Variants in CUBN observed in about 807,000 individuals in gnomAD.
CUBN encodes cubilin, also known as 460 kDa receptor.
CUBN carries 282 observed loss-of-function variants against 405.3 expected under a neutral mutation model. The ratio of observed to expected loss-of-function variants is 0.70; its 90% CI spans 0.63 to 0.77. The LOEUF (loss-of-function observed/expected upper bound fraction) is 0.77. Among genes scored for constraint, CUBN ranks in the 30% least tolerant of loss-of-function variants. The pLI, the probability that CUBN is intolerant of heterozygous loss-of-function variation, is 0.00. For synonymous variants in CUBN, 1,684 were observed against 1,617.0 expected, an observed-to-expected ratio of 1.04 and a Z score of -0.99; for missense variants, 4,514 against 4,475.2, an observed-to-expected ratio of 1.01 and a Z score of -0.25.
chr10:16,891,164 G>A lies in CUBN; in HGVS notation c.8599-637C>T, dbSNP rs545209675. On this transcript the variant is annotated intron_variant, in intron 54 of 66. Coordinates refer to ENST00000377833, the MANE Select transcript of CUBN (RefSeq NM_001081.4). The stretch of plus-strand genomic sequence containing the variant: ...GTCACTTAATTGGTCTGGCCACCTC[G>A]AATGACTGAATTTATATACTCATGC... Among the ~76,000 whole-genome samples the A allele has an allele frequency of 2.2e-4, 33 of 152,248 alleles. No individual in the cohort carries two copies. The South Asian group carries it at 6.8e-3, about 32-fold the overall frequency.
chr10:16,984,751 A>G (rs185737088), intron 29 of CUBN, among the ~76,000 whole-genome samples: 1 of 152,344 alleles, frequency 6.6e-6, no homozygotes, highest in East Asian at 1.9e-4. Context: ...ATGAAAGTTG[A>G]GTTCACTGAA....
intron 28 of CUBN, among the ~76,000 whole-genome samples, chr10:17,017,180 C>A (rs778309416): frequency 3.4e-4 from 52 of 152,110 alleles, no homozygotes; most frequent in Non-Finnish European, 6.5e-4. Flanking sequence ...TCCCTCTGCC[C>A]AAGAACCCGC....
At position 17,034,967 on chromosome 10, in the gene CUBN, CAA is replaced by C. The variant is rs370907696; in HGVS notation, c.4017+6064_4017+6065del. On this transcript the variant is annotated intron_variant, in intron 27 of 66. Transcript: ENST00000377833. ...GTTGTTAATATGGAAGTCACCAAGA[CAA>C]TAGGAGACAGTGATCACCTTGCCTT... 1.6e-4 allele frequency among the ~76,000 whole-genome samples: 24 copies of C among 151,662 alleles called. No homozygotes were observed. In the East Asian group the frequency reaches 3.7e-3, roughly 23 times the overall value.
intron 27 of CUBN, among the ~76,000 whole-genome samples, chr10:17,026,404 G>A (rs554643752): frequency 3.2e-4 from 48 of 152,208 alleles, no homozygotes; most frequent in East Asian, 7.7e-4. Flanking sequence ...AAGCCGAAGC[G>A]GGTGATCACT....
At chr10:17,037,033 AT>A (rs1342652049) in intron 27 of CUBN, among the ~76,000 whole-genome samples, 1 of 152,218 alleles carries the variant, frequency 6.6e-6, no homozygotes, top group Non-Finnish European at 1.5e-5. Flanking sequence ...CACCTAACGA[AT>A]GGGGATAATA....
intron 58 of CUBN, among the ~76,000 whole-genome samples, chr10:16,873,878 G>A (rs1366226688): frequency 1.3e-5 from 2 of 152,154 alleles, no homozygotes; most frequent in East Asian, 3.8e-4. Context: ...TGATCCTTCT[G>A]AGCCTCAGTT....
intron 63 of CUBN, among the ~76,000 whole-genome samples, chr10:16,835,478 G>A (rs1839140756): frequency 6.6e-6 from 1 of 152,126 alleles, no homozygotes; most frequent in Admixed American, 6.5e-5. Context: ...AGCATCCTTT[G>A]AACTTTTCTG....
intron 37 of CUBN, among the ~76,000 whole-genome samples, chr10:16,939,779 T>A (rs1842605421): frequency 6.6e-6 from 1 of 152,192 alleles, no homozygotes; most frequent in Non-Finnish European, 1.5e-5. Flanking sequence ...TGAAAAAAAC[T>A]AATTTAACAT....
chr10:17,016,815 G>A (rs533971039), intron 28 of CUBN, among the ~76,000 whole-genome samples: 2 of 152,266 alleles, frequency 1.3e-5, no homozygotes, highest in South Asian at 4.1e-4. Context: ...AAGCTGAAAG[G>A]TCCTCCTGTG....
intron 14 of CUBN, among the ~76,000 whole-genome samples, chr10:17,095,145 TACA>T (rs960802509): frequency 2.0e-5 from 3 of 151,894 alleles, no homozygotes; most frequent in Non-Finnish European, 4.4e-5. Context: ...GGCAAGAACA[TACA>T]ACATGTAAAG....
rs758445280 is a variant in CUBN at position 16,982,480 on chromosome 10, TTACCATAA to T, written c.4691_4695+3del. ...AGACAATGCTTGAAATTTATGTCAC[TTACCATAA>T]TACAAGAGTCTTGTGGTTCAAGATC... On this transcript the variant is annotated splice_donor_variant and splice_donor_region_variant and coding_sequence_variant and intron_variant, in exon 31 of 67. Coordinates refer to ENST00000377833, the MANE Select transcript of CUBN (RefSeq NM_001081.4). LOFTEE classifies it high-confidence loss of function. The T allele has an allele frequency of 6.2e-6, 10 of 1,611,624 alleles. No individual in the cohort carries two copies. Among genetic ancestry groups the T allele is most frequent in the Non-Finnish European group, 7.6e-6 (9 of 1,177,966 alleles).
chr10:16,995,799 G>T (rs1833716814), intron 28 of CUBN, among the ~76,000 whole-genome samples: 1 of 152,128 alleles, frequency 6.6e-6, no homozygotes, highest in Non-Finnish European at 1.5e-5. Context: ...TATTTTTATG[G>T]TAGTTCAGTT....
At chr10:16,938,510 A>C (rs1842576673) in intron 38 of CUBN, among the ~76,000 whole-genome samples, 1 of 152,342 alleles carries the variant, frequency 6.6e-6, no homozygotes, top group South Asian at 2.1e-4. Context: ...AAGATGAATA[A>C]GGTGGGGTCA....
At chr10:16,886,269 T>C (rs1411656347) in intron 56 of CUBN, among the ~76,000 whole-genome samples, 1 of 152,226 alleles carries the variant, frequency 6.6e-6, no homozygotes, top group Non-Finnish European at 1.5e-5. Flanking sequence ...TGAGACAAGC[T>C]TTGTTAAATT....
In CUBN at chr10:17,085,626, C is replaced by T; in HGVS notation, c.2081G>A (p.Gly694Asp). 6.2e-7 allele frequency: 1 copy of T among 1,614,102 alleles called. No individual in the cohort carries two copies. The change falls in exon 16 of 67, where the codon GGC (glycine) becomes GAC (aspartate). Residue 694 changes from glycine (G) to aspartate (D), a missense_variant. Gly to Asp is a moderately conservative substitution (Grantham distance 94). Transcript: ENST00000377833. ...FHSDSQISDQ[G>D]FHITYLTSPS... Reference sequence around the variant, plus strand: ...TGATGTTAAGTAGGTGATATGGAAGCCTTGGTCACTAATCTGGGAGTCTGA... The same window carrying T: ...TGATGTTAAGTAGGTGATATGGAAGTCTTGGTCACTAATCTGGGAGTCTGA...
At chr10:17,014,331 G>A (rs888262578) in intron 28 of CUBN, among the ~76,000 whole-genome samples, 4 of 152,150 alleles carry the variant, frequency 2.6e-5, no homozygotes, top group Non-Finnish European at 5.9e-5. Context: ...GCTTTTACTA[G>A]GGTCTGCTTT....
At chr10:16,963,457 G>A (rs1028811287) in intron 31 of CUBN, among the ~76,000 whole-genome samples, 3 of 151,754 alleles carry the variant, frequency 2.0e-5, no homozygotes, top group Admixed American at 1.3e-4. Flanking sequence ...AAAGTGCTGG[G>A]ATTACAGGCA....
chr10:17,115,527 C>A lies in CUBN; in HGVS notation c.664G>T (p.Val222Leu), dbSNP rs750128625. ...CAGATGCCATGGACACAGCGTGCCA[C>A]AGAACCCCCTTCACAGTCGTCATAT... ...SKYDDCEGGS[V>L]ARCVHGICED... is the part of the protein sequence containing the mutation. Residue 222 changes from valine to leucine, a missense_variant, in exon 7 of 67, where the codon GTG becomes TTG. Around this residue, in one of 5 missense-constraint regions of CUBN, gnomAD observed 1,448 missense variants for 1,388.0 expected, o/e 1.04. Coordinates refer to ENST00000377833, the MANE Select transcript of CUBN (RefSeq NM_001081.4). The A allele has an allele frequency of 2.6e-5, 42 of 1,614,072 alleles. No individual in the cohort carries two copies. In the South Asian group the frequency reaches 4.2e-4, roughly 16 times the overall value.
chr10:16,925,168 A>C, intron 43 of CUBN, 73 bp downstream of exon 43: 1 of 1,330,278 alleles, frequency 7.5e-7, no homozygotes, highest in Non-Finnish European at 1.1e-6. Context: ...TGGTTCAGAA[A>C]AGAAAATTTT....
Sources: allele counts gnomAD v4.1 joint callset (sites outside exome capture counted in the v4.1 genomes callset), GRCh38; gene constraint gnomAD v4.1.1; regional missense constraint gnomAD v4.1.1; transcripts MANE v1.5; gene names NCBI Gene and HGNC (gene_info 2026-07-23, HGNC 2026-07-21).